DCDC1: variants seen among roughly 807,000 people sequenced by gnomAD.
DCDC1 encodes doublecortin domain containing 1.
In DCDC1, 200 loss-of-function variants were observed where a neutral mutation model predicts 178.3. The ratio of observed to expected loss-of-function variants is 1.12; its 90% CI spans 1.00 to 1.26. DCDC1 has a LOEUF of 1.26. DCDC1 is among the 50% of genes most tolerant of loss of function. The pLI, the probability that DCDC1 is intolerant of heterozygous loss-of-function variation, is 0.00. For synonymous variants in DCDC1, 690 were observed against 604.8 expected, an observed-to-expected ratio of 1.14 and a Z score of -2.07; for missense variants, 1,983 against 1,749.2, an observed-to-expected ratio of 1.13 and a Z score of -2.38.
At chr11:31,082,118 C>T (rs1031584261) in intron 17 of DCDC1, among the ~76,000 whole-genome samples, 2 of 152,036 alleles carry the variant, frequency 1.3e-5, no homozygotes, top group Non-Finnish European at 2.9e-5. Flanking sequence ...ATAACAACGA[C>T]ATCAATAACG....
At chr11:31,153,828 ACT>A (rs1965442769) in intron 9 of DCDC1, among the ~76,000 whole-genome samples, 1 of 141,132 alleles carries the variant, frequency 7.1e-6, no homozygotes, top group Non-Finnish European at 1.6e-5. Context: ...AATTACCATA[ACT>A]CTATGCTGTA....
intron 9 of DCDC1, among the ~76,000 whole-genome samples, chr11:31,157,372 A>AAATATAT (rs71060478): frequency 0.08 from 7,751 of 96,884 alleles, 477 homozygotes; most frequent in Non-Finnish European, 0.13. Flanking sequence ...AAAAAAAAAA[A>AAATATAT]ATATATATAT....
chr11:31,290,720 C>A lies in DCDC1; in HGVS notation c.887G>T (p.Arg296Leu), dbSNP rs370896971. Residue 296 changes from arginine (R) to leucine (L), a missense_variant, in exon 7 of 39, where the codon CGA becomes CTA. By Grantham distance (102) the Arg-to-Leu change is moderately radical. Coordinates refer to ENST00000684477, the MANE Select transcript of DCDC1 (RefSeq NM_001387274.1). ...MKKLTERTSV[R>L]ILFFKNGMGQ... ...CATGCCATTCTTAAAGAACAGAATT[C>A]GGACTGAGGTCCTCTCAGTAAGTTT... The A allele has an allele frequency of 6.2e-7, 1 of 1,613,416 alleles. No homozygotes were observed. The highest frequency in any genetic ancestry group is 8.5e-7 in the Non-Finnish European group (1 of 1,179,572).
At chr11:31,110,971 C>T (rs964238792) in intron 11 of DCDC1, among the ~76,000 whole-genome samples, 18 of 84,310 alleles carry the variant, frequency 2.1e-4, no homozygotes, top group African/African-American at 8.4e-4. Context: ...ATGTAACACT[C>T]GCTGGGGAAA....
chr11:30,907,179 T>C (rs1380822831), intron 29 of DCDC1, among the ~76,000 whole-genome samples: 1 of 151,868 alleles, frequency 6.6e-6, no homozygotes, highest in Non-Finnish European at 1.5e-5. Flanking sequence ...AAATATAAAA[T>C]CCTATGAGTT....
chr11:30,911,060 C>G (rs909870428), intron 28 of DCDC1, among the ~76,000 whole-genome samples: 1 of 152,162 alleles, frequency 6.6e-6, no homozygotes, highest in Non-Finnish European at 1.5e-5. Flanking sequence ...GACAATTTCT[C>G]ATGCTTGCCA....
intron 20 of DCDC1, among the ~76,000 whole-genome samples, chr11:30,974,358 T>G (rs1328998724): frequency 6.9e-6 from 1 of 145,648 alleles, no homozygotes; most frequent in East Asian, 2.0e-4. Context: ...CCAAAATTAG[T>G]AGAAGGAAAG....
chr11:30,971,068 C>A (rs1454520151), intron 20 of DCDC1, among the ~76,000 whole-genome samples: 1 of 152,162 alleles, frequency 6.6e-6, no homozygotes. Context: ...CAAAATTTCA[C>A]CACAACTAAC....
chr11:30,916,435 TA>T (rs1338134692), intron 26 of DCDC1, among the ~76,000 whole-genome samples: 1 of 152,220 alleles, frequency 6.6e-6, no homozygotes, highest in African/African-American at 2.4e-5. Flanking sequence ...TACAAAGTAC[TA>T]TATATTCCTG....
intron 20 of DCDC1, among the ~76,000 whole-genome samples, chr11:31,049,061 C>T (rs553430844): frequency 6.6e-6 from 1 of 152,124 alleles, no homozygotes; most frequent in African/African-American, 2.4e-5. Flanking sequence ...TTCTGAGACA[C>T]GGCCTATGTC....
chr11:31,334,130 A>G (rs1463765114), intron 2 of DCDC1, among the ~76,000 whole-genome samples: 1 of 151,968 alleles, frequency 6.6e-6, no homozygotes, highest in Non-Finnish European at 1.5e-5. Context: ...CATTAATTTG[A>G]TCTTCAACCA....
intron 29 of DCDC1, among the ~76,000 whole-genome samples, chr11:30,908,582 C>T (rs76676913): frequency 0.018 from 2,746 of 152,008 alleles, 86 homozygotes; most frequent in African/African-American, 0.063. Context: ...GTGATTCATA[C>T]GGAGGTGAAG....
intron 9 of DCDC1, chr11:31,215,256 C>A: frequency 5.2e-6 from 1 of 191,738 alleles, no homozygotes; most frequent in Non-Finnish European, 1.1e-5. Flanking sequence ...ATAGTGAGAC[C>A]CAGTTCTCTA....
intron 20 of DCDC1, among the ~76,000 whole-genome samples, chr11:31,027,534 G>T (rs2135251192): frequency 6.6e-6 from 1 of 151,838 alleles, no homozygotes; most frequent in South Asian, 2.1e-4. Context: ...TGGAAAGAAA[G>T]CAGATAATTT....
intron 12 of DCDC1, among the ~76,000 whole-genome samples, chr11:31,107,391 G>A (rs1183996918): frequency 1.3e-5 from 2 of 152,100 alleles, no homozygotes; most frequent in Non-Finnish European, 2.9e-5. Flanking sequence ...CAAATCTCAG[G>A]TAACCAGTAG....
chr11:31,305,833 T>C, intron 5 of DCDC1, 56 bp from the exon 6 acceptor site: 3 of 1,573,064 alleles, frequency 1.9e-6, no homozygotes, highest in South Asian at 1.2e-5. Context: ...AGTAATATAT[T>C]TCCCTCAAAA....
At chr11:31,127,227 C>CAA (rs1370150033) in intron 11 of DCDC1, among the ~76,000 whole-genome samples, 2 of 152,160 alleles carry the variant, frequency 1.3e-5, no homozygotes, top group Non-Finnish European at 2.9e-5. Context: ...TCCTTCATTA[C>CAA]AATTACTTTT....
intron 6 of DCDC1, among the ~76,000 whole-genome samples, chr11:31,292,138 A>G (rs1299196216): frequency 2.0e-5 from 3 of 152,170 alleles, no homozygotes; most frequent in African/African-American, 7.2e-5. Flanking sequence ...GACTATAGAC[A>G]TAAGTCTTCA....
intron 20 of DCDC1, among the ~76,000 whole-genome samples, chr11:30,983,473 A>G (rs367812384): frequency 2.0e-5 from 3 of 152,340 alleles, no homozygotes; most frequent in East Asian, 3.9e-4. Context: ...CTAATTCTAA[A>G]TTCATATAAC....
Sources: gnomAD v4.1 joint callset for allele counts (sites outside exome capture counted in the v4.1 genomes callset) on GRCh38, gnomAD v4.1.1 for gene constraint, MANE v1.5 for transcripts, NCBI Gene and HGNC (gene_info 2026-07-23, HGNC 2026-07-21) for gene names.